Variants in LONP1 observed in about 807,000 individuals in gnomAD.
LONP1 encodes the protein lon protease homolog, mitochondrial.
LONP1 carries 31 observed loss-of-function variants against 98.5 expected under a neutral mutation model. The observed-to-expected ratio is 0.31, with a 90% CI of 0.24 to 0.42. LONP1 has a LOEUF of 0.42. LONP1 is among the 20% of genes least tolerant of loss of function. LONP1 has a pLI of 1.00. For synonymous variants in LONP1, 781 were observed against 594.7 expected, an observed-to-expected ratio of 1.31 and a Z score of -4.56; for missense variants, 1,336 against 1,350.6, an observed-to-expected ratio of 0.99 and a Z score of 0.17.
intron 8 of LONP1, among the ~76,000 whole-genome samples, chr19:5,701,748 G>C (rs1166894582): frequency 6.6e-6 from 1 of 152,102 alleles, no homozygotes; most frequent in Non-Finnish European, 1.5e-5. Flanking sequence ...CTGCCCGGCC[G>C]CCACCCTGTC....
chr19:5,716,625 T>C (rs370376560), intron 1 of LONP1, among the ~76,000 whole-genome samples: 1 of 151,766 alleles, frequency 6.6e-6, no homozygotes, highest in African/African-American at 2.4e-5. Flanking sequence ...TGACCCACTG[T>C]TATAAGTAAA....
intron 2 of LONP1, among the ~76,000 whole-genome samples, 161 bp downstream of exon 2, chr19:5,714,022 G>A (rs1221860769): frequency 1.3e-5 from 2 of 152,216 alleles, no homozygotes; most frequent in South Asian, 2.1e-4. Flanking sequence ...TCTCAGCCCA[G>A]GCTGAAAAGG....
In LONP1 at chr19:5,693,406, C is replaced by T. The variant is rs764604713; in HGVS notation, c.2595G>A (p.Leu865=). The T allele has an allele frequency of 2.5e-6, 4 of 1,612,984 alleles. No individual in the cohort carries two copies. The highest frequency in any genetic ancestry group is 1.7e-6 in the Non-Finnish European group (2 of 1,179,600). The change falls in exon 17 of 18, where the codon CTG becomes CTA. Residue 865 remains leucine, a synonymous_variant. Transcript: ENST00000360614. ...SAGCTIVTAL[L]SLAMGRPVRQ... ...GGACAGGCCTGCCCATGGCCAGGGA[C>T]AGCAGGGCCGTGACGATGGTGCAGC...
chr19:5,702,157 T>C (rs1347853864), intron 8 of LONP1, among the ~76,000 whole-genome samples: 1 of 139,848 alleles, frequency 7.2e-6, no homozygotes, highest in East Asian at 2.2e-4. Context: ...TACTGGGAAG[T>C]GAGGAGCCCC....
chr19:5,692,146 G>A lies in LONP1; in HGVS notation c.2766C>T (p.Asp922=), dbSNP rs1195748209. 6.2e-7 allele frequency: 1 copy of A among 1,614,034 alleles called. No homozygotes were observed. Among genetic ancestry groups the A allele is most frequent in the Non-Finnish European group, 8.5e-7 (1 of 1,180,006 alleles). Reference sequence around the variant, plus strand: ...GGCCCTCGGTGATGAAGGCTGCCAGGTCGTAGAAGTCCTTCTTGTTCTCGG... The same window carrying A: ...GGCCCTCGGTGATGAAGGCTGCCAGATCGTAGAAGTCCTTCTTGTTCTCGG... ...LPAENKKDFY[D]LAAFITEGLE... Residue 922 remains aspartate (D), a synonymous_variant, in exon 18 of 18, where the codon GAC becomes GAT. Coordinates refer to ENST00000360614, the MANE Select transcript of LONP1 (RefSeq NM_004793.4).
chr19:5,711,627 C>T (rs559046383), intron 4 of LONP1, 144 bp downstream of exon 4: 8 of 654,808 alleles, frequency 1.2e-5, no homozygotes, highest in Non-Finnish European at 1.8e-5. Flanking sequence ...CCTCTATGTT[C>T]CATTAGAATT....
intron 11 of LONP1, 99 bp from the exon 12 acceptor site, chr19:5,696,470 G>C: frequency 6.7e-7 from 1 of 1,494,746 alleles, no homozygotes; most frequent in South Asian, 1.3e-5. Context: ...CCCCGAGTGA[G>C]AGCGGCACCC....
At position 5,695,952 on chromosome 19, in the gene LONP1, C is replaced by T. The variant is rs1457281308; in HGVS notation, c.2013+102G>A. On this transcript the variant is annotated intron_variant, in intron 13 of 17. Transcript: ENST00000360614. Reference sequence around the variant, plus strand: ...CTCCTCGGCCGCAGGTCCCACCTGTCTCTCCCGGGCCCAGGAGCTCCCAGA... The same window carrying T: ...CTCCTCGGCCGCAGGTCCCACCTGTTTCTCCCGGGCCCAGGAGCTCCCAGA... The T allele has an allele frequency of 2.3e-5, 23 of 1,016,822 alleles. 1 individual carries two copies. The Admixed American group carries it at 4.7e-4, about 21-fold the overall frequency. 63.0% of individuals were successfully genotyped at this position (1,016,822 alleles called of 1,614,324 possible). A position where few individuals can be genotyped will look rare whatever the true frequency, so the allele number is the denominator to read the frequency against.
chr19:5,697,503 A>G (rs1458730459), intron 10 of LONP1, among the ~76,000 whole-genome samples: 1 of 134,102 alleles, frequency 7.5e-6, no homozygotes, highest in East Asian at 2.4e-4. Context: ...AGGCAGAGGG[A>G]GGAGGGGGGG....
At chr19:5,702,068 A>AGGGAGGTGGGGAGGTG (rs375864917) in intron 8 of LONP1, among the ~76,000 whole-genome samples, 114 of 146,138 alleles carry the variant, frequency 7.8e-4, no homozygotes, top group Admixed American at 4.3e-3. Flanking sequence ...CCCGTCCGGG[A>AGGGAGGTGGGGAGGTG]GGGAGGTGGG....
At chr19:5,693,508 C>T (rs2054869020) in intron 16 of LONP1, 44 bp downstream of exon 16, 1 of 1,612,328 alleles carries the variant, frequency 6.2e-7, no homozygotes. Flanking sequence ...GGCCAGCAGC[C>T]CAGGGACTGG....
At chr19:5,701,576 G>A (rs1032095287) in intron 8 of LONP1, among the ~76,000 whole-genome samples, 13 of 152,288 alleles carry the variant, frequency 8.5e-5, no homozygotes, top group East Asian at 1.9e-4. Flanking sequence ...CGAGTGGTCC[G>A]CCGGCCTCGG....
chr19:5,695,074 G>A (rs1436120685), intron 13 of LONP1, among the ~76,000 whole-genome samples, 173 bp from the exon 14 acceptor site: 18 of 151,986 alleles, frequency 1.2e-4, no homozygotes, highest in Admixed American at 1.1e-3. Context: ...ATGCCCAGAG[G>A]CCCCAGGCCT....
intron 9 of LONP1, among the ~76,000 whole-genome samples, chr19:5,699,555 G>A (rs1018514223): frequency 4.2e-5 from 5 of 118,540 alleles, no homozygotes; most frequent in Middle Eastern, 4.7e-3. Flanking sequence ...TCTGGCTCCT[G>A]TTTTTTTTTT....
chr19:5,700,974 CCTGT>C (rs758555909), intron 8 of LONP1, 47 bp from the exon 9 acceptor site: 60 of 1,610,196 alleles, frequency 3.7e-5, no homozygotes, highest in South Asian at 3.2e-4. Context: ...TCACGAGCTG[CCTGT>C]CTCTCTGCTG....
In LONP1 at chr19:5,693,474, T is replaced by C. The variant is rs376208746; in HGVS notation, c.2539-12A>G. 3.7e-6 allele frequency: 6 copies of C among 1,611,012 alleles called. No individual in the cohort carries two copies. The African/African-American group carries it at 6.7e-5, about 18-fold the overall frequency. ...TTGGGGGTGGCGCCCTGTGGAGGCA[T>C]GTGGGGATAGTGGGTGAGCAGGTGG... On this transcript the variant is annotated splice_polypyrimidine_tract_variant and intron_variant, in intron 16 of 17. Transcript: ENST00000360614.
rs778419558 is a variant in LONP1, at chr19:5,705,772, T to C, written c.1367A>G (p.Asn456Ser). ...GLLDNHSSEFNVTRNYLDWLT... is the reference protein window; with the variant it reads ...GLLDNHSSEFSVTRNYLDWLT... ...GGGCCGCCCCGGGCCTGGCACTCAC[T>C]TGAACTCCGAGGAGTGGTTGTCCAG... is the stretch of plus-strand genomic sequence containing the variant. Residue 456 changes from asparagine (N) to serine (S), a missense_variant and splice_region_variant, in exon 8 of 18, where the codon AAT becomes AGT. Physicochemically the swap from Asn to Ser is conservative, Grantham distance 46 (BLOSUM62 1). Transcript: ENST00000360614. The C allele has an allele frequency of 3.1e-6, 5 of 1,613,794 alleles. No homozygotes were observed. Among genetic ancestry groups the C allele is most frequent in the Non-Finnish European group, 4.2e-6 (5 of 1,179,982 alleles).
rs1369152355 is a variant in LONP1 at position 5,694,724 on chromosome 19, G to A, written c.2154+37C>T. 7 of 1,580,354 alleles carry A rather than the reference G, an allele frequency of 4.4e-6. No individual in the cohort carries two copies. In the Admixed American group the frequency reaches 6.7e-5, roughly 15 times the overall value. ...GGTGATCAGCGTGGGATGGTGAGGT[G>A]GGCGGCAGGTGCCAGGAGGGCGGGC... On this transcript the variant is annotated intron_variant, in intron 14 of 17. Coordinates refer to ENST00000360614, the MANE Select transcript of LONP1 (RefSeq NM_004793.4).
intron 8 of LONP1, among the ~76,000 whole-genome samples, chr19:5,704,456 C>A (rs779924566): frequency 6.6e-6 from 1 of 152,204 alleles, no homozygotes; most frequent in Non-Finnish European, 1.5e-5. Context: ...GCGACCGTGA[C>A]ATTCAAATCT....
Sources: allele counts gnomAD v4.1 joint callset (sites outside exome capture counted in the v4.1 genomes callset), GRCh38; gene constraint gnomAD v4.1.1; transcripts MANE v1.5; gene names NCBI Gene and HGNC (gene_info 2026-07-23, HGNC 2026-07-21).